Variants in COL22A1 observed in about 807,000 individuals in gnomAD.
COL22A1 encodes collagen alpha-1(XXII) chain.
In COL22A1, 221 loss-of-function variants were observed where a neutral mutation model predicts 248.9. That is an observed-to-expected ratio of 0.89 (90% CI 0.80 to 0.99). The LOEUF (loss-of-function observed/expected upper bound fraction) is 0.99, where lower values mean the gene tolerates loss of function less well. Among genes scored for constraint, COL22A1 ranks in the 50% least tolerant of loss-of-function variants. The pLI, the probability that COL22A1 is intolerant of heterozygous loss-of-function variation, is 0.00. For missense variants in COL22A1, 2,240 were observed against 2,179.0 expected (o/e 1.03, Z -0.56); for synonymous variants, 891 against 793.4 (o/e 1.12, Z -2.07).
chr8:138,648,190 CCT>C (rs1822375623), intron 46 of COL22A1, among the ~76,000 whole-genome samples: 1 of 152,210 alleles, frequency 6.6e-6, no homozygotes, highest in Non-Finnish European at 1.5e-5. Flanking sequence ...AGCACTGGCC[CCT>C]GTTCCTTCCA....
rs1041429815 is a variant in COL22A1, at chr8:138,690,724, C to G, written c.2808+97G>C. The G allele has an allele frequency of 1.3e-4, 115 of 915,142 alleles. No homozygotes were observed. The South Asian group carries it at 1.7e-3, about 13-fold the overall frequency. The allele number at this position is 915,142 out of a possible 1,614,324, so 56.7% of individuals were successfully genotyped here. On this transcript the variant is annotated intron_variant, in intron 36 of 64. Transcript: ENST00000303045. Reference sequence around the variant, plus strand: ...TGGAAAATGGGAGTAAGGATCCTCCCCTTACTCCCATGTATCCTACGCCTC... The same window carrying G: ...TGGAAAATGGGAGTAAGGATCCTCCGCTTACTCCCATGTATCCTACGCCTC...
At chr8:138,849,029 A>G (rs1821444375) in intron 3 of COL22A1, among the ~76,000 whole-genome samples, 1 of 152,180 alleles carries the variant, frequency 6.6e-6, no homozygotes, top group Non-Finnish European at 1.5e-5. Flanking sequence ...GAAGAGCTGA[A>G]GCAGAAGCCC....
At position 138,722,020 on chromosome 8, in the gene COL22A1, C is replaced by T. The variant is rs377419497; in HGVS notation, c.2301+16G>A. 1.1e-5 allele frequency: 17 copies of T among 1,562,866 alleles called. No homozygotes were observed. The highest frequency in any genetic ancestry group is 1.7e-4 in the Middle Eastern group (1 of 6,032). On this transcript the variant is annotated intron_variant, in intron 26 of 64. Transcript: ENST00000303045. The stretch of plus-strand genomic sequence containing the variant: ...TTTGGGTTCCCAAACTGGTGCCAAC[C>T]GCATCAGTGACCAACCTTGGTTCCT...
Position 138,604,720 on chromosome 8 carries a change from CGT to C in COL22A1, c.4140+12_4140+13del. 1 of 1,612,122 alleles carries C rather than the reference CGT, an allele frequency of 6.2e-7. No individual in the cohort carries two copies. Among genetic ancestry groups the C allele is most frequent in the African/African-American group, 1.3e-5 (1 of 75,014 alleles). On this transcript the variant is annotated intron_variant, in intron 59 of 64. Coordinates refer to ENST00000303045, the MANE Select transcript of COL22A1 (RefSeq NM_152888.3). Reference sequence around the variant, plus strand: ...AAAGGGTTGCCAAGGGGTGAGTGGGCGTGTGATACTTGCCTCCTTGCCTGGGA... The same window carrying C: ...AAAGGGTTGCCAAGGGGTGAGTGGGCGTGATACTTGCCTCCTTGCCTGGGA...
At chr8:138,728,889 G>A (rs1830513628) in intron 23 of COL22A1, among the ~76,000 whole-genome samples, 2 of 152,080 alleles carry the variant, frequency 1.3e-5, no homozygotes, top group Admixed American at 6.6e-5. Flanking sequence ...ATTCTGATGA[G>A]CTGCCAGGTT....
intron 52 of COL22A1, 150 bp from the exon 53 acceptor site, chr8:138,619,658 ATC>A (rs749329727): frequency 1.4e-6 from 1 of 690,238 alleles, no homozygotes; most frequent in Non-Finnish European, 2.6e-6. Flanking sequence ...GTCCTTCTTA[ATC>A]TACACAAATC....
intron 16 of COL22A1, among the ~76,000 whole-genome samples, chr8:138,774,080 C>G (rs1266533208): frequency 6.6e-6 from 1 of 152,150 alleles, no homozygotes; most frequent in Non-Finnish European, 1.5e-5. Flanking sequence ...AGAGGGCCCA[C>G]AGAGAGAGCT....
At chr8:138,699,225 A>AC (rs1359311766) in intron 32 of COL22A1, among the ~76,000 whole-genome samples, 1 of 152,136 alleles carries the variant, frequency 6.6e-6, no homozygotes, top group Non-Finnish European at 1.5e-5. Flanking sequence ...TATGCTTCCC[A>AC]AGCACAAAAT....
intron 45 of COL22A1, among the ~76,000 whole-genome samples, chr8:138,654,175 G>A (rs1240413245): frequency 2.0e-5 from 3 of 152,180 alleles, no homozygotes; most frequent in African/African-American, 7.2e-5. Context: ...GAGGGGTCAG[G>A]GGTGGAGATG....
In COL22A1 at chr8:138,616,064, A is replaced by G. The variant is rs1819293053; in HGVS notation, c.3871-10T>C. 1.9e-6 allele frequency: 3 copies of G among 1,611,110 alleles called. No homozygotes were observed. The highest frequency in any genetic ancestry group is 1.3e-5 in the African/African-American group (1 of 74,992). Reference sequence around the variant, plus strand: ...TGGCACCAGACTCTCCCTAGGAACAAAAAAGCCTGCTATTAGGGAAGGAGA... The same window carrying G: ...TGGCACCAGACTCTCCCTAGGAACAGAAAAGCCTGCTATTAGGGAAGGAGA... On this transcript the variant is annotated splice_polypyrimidine_tract_variant and intron_variant, in intron 54 of 64. Transcript: ENST00000303045.
At chr8:138,713,098 C>T (rs1482533643) in intron 30 of COL22A1, among the ~76,000 whole-genome samples, 1 of 152,236 alleles carries the variant, frequency 6.6e-6, no homozygotes, top group Non-Finnish European at 1.5e-5. Context: ...CACCCACCCT[C>T]ACTCTGTAAG....
intron 3 of COL22A1, among the ~76,000 whole-genome samples, chr8:138,856,314 T>C (rs1458152395): frequency 6.6e-6 from 1 of 152,228 alleles, no homozygotes; most frequent in Non-Finnish European, 1.5e-5. Context: ...TAGGTACATG[T>C]GCCCCTGTGT....
At chr8:138,684,292 T>C (rs1031634537) in intron 39 of COL22A1, 133 bp downstream of exon 39, 1 of 739,436 alleles carries the variant, frequency 1.4e-6, no homozygotes, top group Non-Finnish European at 2.4e-6. Flanking sequence ...GAACCTTTAG[T>C]CAAATGGAAC....
intron 18 of COL22A1, among the ~76,000 whole-genome samples, chr8:138,759,206 C>T (rs551489829): frequency 6.6e-6 from 1 of 152,126 alleles, no homozygotes; most frequent in Non-Finnish European, 1.5e-5. Flanking sequence ...TGTGTCAGCC[C>T]GTACTATTTA....
chr8:138,762,609 C>CCCACA, intron 16 of COL22A1, 143 bp from the exon 17 acceptor site: 1 of 639,646 alleles, frequency 1.6e-6, no homozygotes, highest in Non-Finnish European at 2.8e-6. Context: ...CACACACACA[C>CCCACA]AACAGCCCTA....
At chr8:138,776,769 C>A (rs1262382546) in intron 15 of COL22A1, among the ~76,000 whole-genome samples, 2 of 152,168 alleles carry the variant, frequency 1.3e-5, no homozygotes, top group Non-Finnish European at 2.9e-5. Flanking sequence ...ATATGGTATC[C>A]CCAGAGTCTA....
At chr8:138,610,870 C>T (rs77068997) in intron 56 of COL22A1, among the ~76,000 whole-genome samples, 4,668 of 152,322 alleles carry the variant, frequency 0.031, 207 homozygotes, top group African/African-American at 0.1. Flanking sequence ...CTGAGACCAA[C>T]TTGGACAACA....
intron 3 of COL22A1, among the ~76,000 whole-genome samples, chr8:138,862,026 T>TAAAAAAAAAAAAAAAAAAA (rs386414193): frequency 8.6e-5 from 8 of 93,218 alleles, no homozygotes; most frequent in Admixed American, 1.3e-4. Context: ...CTGTCTCTAC[T>TAAAAAAAAAAAAAAAAAAA]AAAAAAAAAA....
At chr8:138,602,940 A>G (rs1334961777) in intron 59 of COL22A1, among the ~76,000 whole-genome samples, 1 of 152,232 alleles carries the variant, frequency 6.6e-6, no homozygotes, top group African/African-American at 2.4e-5. Context: ...TATGATGACC[A>G]AGGTATGCTT....
Sources: allele counts gnomAD v4.1 joint callset (sites outside exome capture counted in the v4.1 genomes callset), GRCh38; gene constraint gnomAD v4.1.1; transcripts MANE v1.5; gene names NCBI Gene and HGNC (gene_info 2026-07-23, HGNC 2026-07-21).